The following TNNI3K variants were observed in gnomAD, a reference collection of about 807,000 sequenced individuals.
TNNI3K encodes the protein TNNI3 interacting kinase, also known as serine/threonine-protein kinase TNNI3K.
In TNNI3K, 140 loss-of-function variants were observed where a neutral mutation model predicts 114.5. The ratio of observed to expected loss-of-function variants is 1.22; its 90% CI spans 1.07 to 1.41. The LOEUF (loss-of-function observed/expected upper bound fraction) is 1.41, where lower values mean the gene tolerates loss of function less well. Among genes scored for constraint, TNNI3K ranks in the 40% most tolerant of loss-of-function variants. The pLI, the probability that TNNI3K is intolerant of heterozygous loss-of-function variation, is 0.00. For missense variants in TNNI3K, 1,125 were observed against 1,007.6 expected, an observed-to-expected ratio of 1.12 and a Z score of -1.58; for synonymous variants, 347 against 347.5, an observed-to-expected ratio of 1.00 and a Z score of 0.02.
At chr1:74,256,551 T>G (rs1655325548) in intron 4 of TNNI3K, among the ~76,000 whole-genome samples, 1 of 152,160 alleles carries the variant, frequency 6.6e-6, no homozygotes, top group South Asian at 2.1e-4. Context: ...TGCAAAAATT[T>G]CTCTCAGTGT....
At position 74,480,157 on chromosome 1, in the gene TNNI3K, G is replaced by A. The variant is rs758619424; in HGVS notation, c.2122-9032G>A. The A allele has an allele frequency of 1.8e-5, 13 of 714,590 alleles. No individual in the cohort carries two copies. The East Asian group carries it at 2.4e-4, about 13-fold the overall frequency. The allele number at this position is 714,590 out of a possible 1,614,324, so 44.3% of individuals were successfully genotyped here. ...GCACACTTCTCCCCGGCATACCTGC[G>A]AAGCCAAGGACAGTCAGCAGGGCCA... is the stretch of plus-strand genomic sequence containing the variant. On this transcript the variant is annotated intron_variant, in intron 21 of 24. Coordinates refer to ENST00000326637, the MANE Select transcript of TNNI3K (RefSeq NM_015978.3).
chr1:74,369,735 A>T (rs1175936143), intron 16 of TNNI3K, 150 bp downstream of exon 16: 5 of 855,984 alleles, frequency 5.8e-6, no homozygotes, highest in South Asian at 3.8e-5. Flanking sequence ...CTAATAATTT[A>T]TGCCTAATAA....
chr1:74,274,694 T>C (rs1656562691), intron 5 of TNNI3K, among the ~76,000 whole-genome samples: 2 of 152,160 alleles, frequency 1.3e-5, no homozygotes, highest in African/African-American at 4.8e-5. Flanking sequence ...AATACAGGTG[T>C]TCCTCAACTT....
chr1:74,493,353 T>C (rs1269711025), intron 23 of TNNI3K, among the ~76,000 whole-genome samples: 4 of 152,186 alleles, frequency 2.6e-5, no homozygotes, highest in Admixed American at 6.5e-5. Flanking sequence ...GTTATTTCTA[T>C]GCTATGTGAA....
chr1:74,256,714 A>G (rs1253439536), intron 4 of TNNI3K, among the ~76,000 whole-genome samples: 1 of 152,104 alleles, frequency 6.6e-6, no homozygotes, highest in Non-Finnish European at 1.5e-5. Context: ...TACTTCACTT[A>G]AAATATAAGA....
intron 5 of TNNI3K, among the ~76,000 whole-genome samples, chr1:74,329,106 T>C (rs1660066993): frequency 6.6e-6 from 1 of 152,082 alleles, no homozygotes; most frequent in African/African-American, 2.4e-5. Context: ...TAAAGGTTAG[T>C]GTTAATAAAA....
At chr1:74,369,978 T>G (rs1379226609) in intron 16 of TNNI3K, 1 of 234,618 alleles carries the variant, frequency 4.3e-6, no homozygotes, top group African/African-American at 2.3e-5. Context: ...GTAATTAGAA[T>G]GTAGTTTCAT....
chr1:74,290,487 G>T (rs1271660154), intron 5 of TNNI3K, among the ~76,000 whole-genome samples: 1 of 151,664 alleles, frequency 6.6e-6, no homozygotes, highest in Non-Finnish European at 1.5e-5. Context: ...AGATTGAATT[G>T]CATGGGTGTT....
intron 4 of TNNI3K, among the ~76,000 whole-genome samples, chr1:74,255,125 C>T (rs1197228912): frequency 1.3e-5 from 2 of 151,928 alleles, no homozygotes; most frequent in East Asian, 1.9e-4. Context: ...GAGGCCGAGG[C>T]GGGCGGATCA....
chr1:74,339,235 C>A (rs764675641), intron 7 of TNNI3K, among the ~76,000 whole-genome samples: 1 of 152,082 alleles, frequency 6.6e-6, no homozygotes, highest in Non-Finnish European at 1.5e-5. Flanking sequence ...TTTTGTTGCA[C>A]GCAAGTATTA....
chr1:74,515,356 C>T (rs1345096670), intron 23 of TNNI3K, among the ~76,000 whole-genome samples: 3 of 152,182 alleles, frequency 2.0e-5, no homozygotes, highest in African/African-American at 7.2e-5. Flanking sequence ...GGAAAACCCA[C>T]ACCTAACCCA....
rs1646307810 is a variant in TNNI3K at position 74,513,945 on chromosome 1, G to A, written c.2351+21679G>A. ...ACCTTTGTTTTTCTATAGACTAAGG[G>A]GAGTAAATAATCTTCCAAAAACTAA... On this transcript the variant is annotated intron_variant, in intron 23 of 24. Coordinates refer to ENST00000326637, the MANE Select transcript of TNNI3K (RefSeq NM_015978.3). Among the ~76,000 whole-genome samples the A allele has an allele frequency of 2.0e-5, 3 of 152,110 alleles. No homozygotes were observed. The South Asian group carries it at 6.2e-4, about 32-fold the overall frequency.
In TNNI3K at chr1:74,450,631, C is replaced by A. The variant is rs184165695; in HGVS notation, c.2011+11009C>A. 7.2e-3 allele frequency among the ~76,000 whole-genome samples: 1,089 copies of A among 152,082 alleles called. 1 individual carries two copies. The highest frequency in any genetic ancestry group is 0.011 in the Admixed American group (174 of 15,238). ...CAAAAGAAGACATTTGTGCGGCCAACAAACATACAAAAAAACGCCCAACAT... is the reference window on the plus strand; with the variant it reads ...CAAAAGAAGACATTTGTGCGGCCAAAAAACATACAAAAAAACGCCCAACAT... On this transcript the variant is annotated intron_variant, in intron 20 of 24. Coordinates refer to ENST00000326637, the MANE Select transcript of TNNI3K (RefSeq NM_015978.3).
At chr1:74,406,424 T>A (rs1412123993) in intron 17 of TNNI3K, among the ~76,000 whole-genome samples, 1 of 152,176 alleles carries the variant, frequency 6.6e-6, no homozygotes, top group Non-Finnish European at 1.5e-5. Flanking sequence ...GCCAAAAAAT[T>A]GGGCACCCCT....
Position 74,355,629 on chromosome 1 carries a change from A to G in TNNI3K, c.1177+1500A>G, listed in dbSNP as rs148930617. ...AAAATAAATAAATAAATAAATAAATAAATGAATAAATAAATAAAGTGGGAT... is the reference window on the plus strand; with the variant it reads ...AAAATAAATAAATAAATAAATAAATGAATGAATAAATAAATAAAGTGGGAT... On this transcript the variant is annotated intron_variant, in intron 11 of 24. Coordinates refer to ENST00000326637, the MANE Select transcript of TNNI3K (RefSeq NM_015978.3). Among the ~76,000 whole-genome samples the G allele has an allele frequency of 6.6e-3, 1,008 of 152,042 alleles. 7 individuals are homozygous for G. Among genetic ancestry groups the G allele is most frequent in the African/African-American group, 0.019 (787 of 41,454 alleles).
chr1:74,485,764 G>T (rs1472637265), intron 21 of TNNI3K, among the ~76,000 whole-genome samples: 1 of 152,186 alleles, frequency 6.6e-6, no homozygotes, highest in Non-Finnish European at 1.5e-5. Context: ...TAGCCATGTT[G>T]TGAACTGCCT....
intron 20 of TNNI3K, among the ~76,000 whole-genome samples, chr1:74,457,990 A>G (rs1667296961): frequency 6.6e-6 from 1 of 152,206 alleles, no homozygotes; most frequent in Non-Finnish European, 1.5e-5. Flanking sequence ...TCTAAACAAA[A>G]CAGAAAACAT....
chr1:74,378,629 T>TATATATATATATATA (rs1557531489), intron 17 of TNNI3K: 4 of 135,788 alleles, frequency 2.9e-5, no homozygotes, highest in African/African-American at 1.1e-4. Flanking sequence ...TATATATATA[T>TATATATATATATATA]ATATATATAT....
chr1:74,420,564 C>T (rs929004967), intron 17 of TNNI3K, among the ~76,000 whole-genome samples: 4 of 152,138 alleles, frequency 2.6e-5, no homozygotes, highest in Admixed American at 2.0e-4. Context: ...ATCTCCTACA[C>T]TTTTACTTTA....
Sources: gnomAD v4.1 joint callset for allele counts (sites outside exome capture counted in the v4.1 genomes callset) on GRCh38, gnomAD v4.1.1 for gene constraint, MANE v1.5 for transcripts, NCBI Gene and HGNC (gene_info 2026-07-23, HGNC 2026-07-21) for gene names.